The following LCLAT1 variants were observed in gnomAD, a reference collection of about 807,000 sequenced individuals.
LCLAT1 encodes the protein lysocardiolipin acyltransferase 1.
Under a neutral mutation model 30.7 loss-of-function variants are expected in LCLAT1, and 11 were observed. The ratio of observed to expected loss-of-function variants is 0.36; its 90% CI spans 0.23 to 0.59. The LOEUF (loss-of-function observed/expected upper bound fraction) is 0.59. Among genes scored for constraint, LCLAT1 ranks in the 20% least tolerant of loss-of-function variants. The pLI, the probability that LCLAT1 is intolerant of heterozygous loss-of-function variation, is 0.77. For missense variants in LCLAT1, 402 were observed against 458.6 expected, an observed-to-expected ratio of 0.88 and a Z score of 1.13; for synonymous variants, 155 against 151.3, an observed-to-expected ratio of 1.02 and a Z score of -0.18.
intron 5 of LCLAT1, among the ~76,000 whole-genome samples, chr2:30,577,137 T>TTACATA (rs1558531499): frequency 1.4e-5 from 1 of 69,460 alleles, no homozygotes; most frequent in Non-Finnish European, 3.9e-5. Flanking sequence ...ATATATATTT[T>TTACATA]GTCACATAGG....
At chr2:30,582,825 T>A (rs975448741) in intron 5 of LCLAT1, among the ~76,000 whole-genome samples, 1 of 152,234 alleles carries the variant, frequency 6.6e-6, no homozygotes, top group East Asian at 1.9e-4. Context: ...AAAATGGGAA[T>A]GTTAGATGTC....
intron 5 of LCLAT1, among the ~76,000 whole-genome samples, chr2:30,608,378 T>C (rs182284131): frequency 2.5e-3 from 386 of 152,124 alleles, no homozygotes; most frequent in Middle Eastern, 6.8e-3. Context: ...GATGAAAGTT[T>C]TTTAATAAAT....
intron 5 of LCLAT1, among the ~76,000 whole-genome samples, chr2:30,598,858 T>A (rs1050810450): frequency 6.6e-6 from 1 of 152,204 alleles, no homozygotes; most frequent in Non-Finnish European, 1.5e-5. Context: ...TCTTTGTTCT[T>A]ATTGATTTCA....
At chr2:30,629,166 A>AG (rs1413771428) in intron 5 of LCLAT1, among the ~76,000 whole-genome samples, 1 of 152,248 alleles carries the variant, frequency 6.6e-6, no homozygotes, top group Non-Finnish European at 1.5e-5. Flanking sequence ...TATATGGTAG[A>AG]GGGTAAAGAA....
chr2:30,530,994 G>A (rs1263587157), intron 2 of LCLAT1, among the ~76,000 whole-genome samples: 2 of 152,140 alleles, frequency 1.3e-5, no homozygotes, highest in Non-Finnish European at 2.9e-5. Flanking sequence ...GGCCGGGCAC[G>A]GTGGCTCATG....
At chr2:30,554,050 A>G (rs1284574904) in intron 3 of LCLAT1, among the ~76,000 whole-genome samples, 8 of 150,492 alleles carry the variant, frequency 5.3e-5, no homozygotes, top group Non-Finnish European at 1.0e-4. Flanking sequence ...TTTTATCGGG[A>G]AAAAAAGAGA....
chr2:30,537,239 G>A (rs2148403246), intron 3 of LCLAT1, among the ~76,000 whole-genome samples: 1 of 152,194 alleles, frequency 6.6e-6, no homozygotes, highest in Admixed American at 6.5e-5. Flanking sequence ...AAATTAGCCG[G>A]GCGCGGTGGC....
chr2:30,487,122 A>G (rs1423660142), intron 1 of LCLAT1, among the ~76,000 whole-genome samples: 1 of 152,234 alleles, frequency 6.6e-6, no homozygotes, highest in African/African-American at 2.4e-5. Flanking sequence ...TTTAATTTGT[A>G]CATGTCTTGC....
At chr2:30,639,394 A>C (rs1169469255) in intron 5 of LCLAT1, among the ~76,000 whole-genome samples, 2 of 152,224 alleles carry the variant, frequency 1.3e-5, no homozygotes, top group Admixed American at 1.3e-4. Flanking sequence ...TTAAGTGAAA[A>C]CACTTTACCC....
At chr2:30,460,999 C>T (rs926744514) in intron 1 of LCLAT1, among the ~76,000 whole-genome samples, 1 of 152,220 alleles carries the variant, frequency 6.6e-6, no homozygotes, top group Non-Finnish European at 1.5e-5. Flanking sequence ...CTGTGCACCT[C>T]TTCCATTGGG....
intron 5 of LCLAT1, among the ~76,000 whole-genome samples, chr2:30,575,216 C>G (rs1665941364): frequency 6.6e-6 from 1 of 152,068 alleles, no homozygotes; most frequent in African/African-American, 2.4e-5. Flanking sequence ...TCTCATCATA[C>G]TCTATACATT....
At chr2:30,572,309 C>CA (rs2148455599) in intron 5 of LCLAT1, among the ~76,000 whole-genome samples, 1 of 152,260 alleles carries the variant, frequency 6.6e-6, no homozygotes, top group Admixed American at 6.5e-5. Flanking sequence ...TAAAAACAAC[C>CA]ATCTAACACT....
chr2:30,633,218 A>G (rs1273080079), intron 5 of LCLAT1, among the ~76,000 whole-genome samples: 1 of 152,188 alleles, frequency 6.6e-6, no homozygotes, highest in Non-Finnish European at 1.5e-5. Context: ...TTTGAAAAAC[A>G]ATGTACAAAA....
At chr2:30,634,503 G>T (rs991244228) in intron 5 of LCLAT1, among the ~76,000 whole-genome samples, 2 of 152,210 alleles carry the variant, frequency 1.3e-5, no homozygotes, top group African/African-American at 4.8e-5. Context: ...GTGTGCGTCT[G>T]TAGTCCCAGC....
At chr2:30,524,394 A>G (rs1488921362) in intron 1 of LCLAT1, among the ~76,000 whole-genome samples, 1 of 152,228 alleles carries the variant, frequency 6.6e-6, no homozygotes, top group Non-Finnish European at 1.5e-5. Context: ...AAAAAATTTC[A>G]ATGTACTCTG....
At chr2:30,571,035 GTAT>G (rs1200887562) in intron 5 of LCLAT1, among the ~76,000 whole-genome samples, 3 of 152,144 alleles carry the variant, frequency 2.0e-5, no homozygotes, top group African/African-American at 7.2e-5. Flanking sequence ...TTAAGCTCAT[GTAT>G]TATTAAGACT....
At position 30,585,338 on chromosome 2, in the gene LCLAT1, C is replaced by G. The variant is rs567800000; in HGVS notation, c.628+17162C>G. 2.0e-4 allele frequency among the ~76,000 whole-genome samples: 31 copies of G among 152,266 alleles called. No homozygotes were observed. In the South Asian group the frequency reaches 6.0e-3, roughly 30 times the overall value. On this transcript the variant is annotated intron_variant, in intron 5 of 5. Transcript: ENST00000379509. ...CATCTAAATATAGCAACTTTTACCT[C>G]TCTCAGAAATCAGTCAACCCTTCAC...
intron 5 of LCLAT1, among the ~76,000 whole-genome samples, chr2:30,598,572 T>C (rs1388669274): frequency 6.6e-6 from 1 of 152,128 alleles, no homozygotes; most frequent in Non-Finnish European, 1.5e-5. Flanking sequence ...CAGTCTATTT[T>C]ATTAACTTTT....
chr2:30,509,823 C>G (rs888503687), intron 1 of LCLAT1, among the ~76,000 whole-genome samples: 5 of 152,126 alleles, frequency 3.3e-5, no homozygotes, highest in African/African-American at 1.2e-4. Flanking sequence ...CTTGGCCTTT[C>G]AAAGTGCTGG....
Sources: allele counts gnomAD v4.1 joint callset (sites outside exome capture counted in the v4.1 genomes callset), GRCh38; gene constraint gnomAD v4.1.1; transcripts MANE v1.5; gene names NCBI Gene and HGNC (gene_info 2026-07-23, HGNC 2026-07-21).